Variants in STPG4 observed in about 807,000 individuals in gnomAD.
STPG4 encodes the protein protein STPG4.
STPG4 carries 41 observed loss-of-function variants against 31.5 expected under a neutral mutation model. That is an observed-to-expected ratio of 1.30 (90% CI 1.01 to 1.69). The LOEUF (loss-of-function observed/expected upper bound fraction) is 1.69, where lower values mean the gene tolerates loss of function less well. Among genes scored for constraint, STPG4 ranks in the 40% most tolerant of loss-of-function variants. The pLI, the probability that STPG4 is intolerant of heterozygous loss-of-function variation, is 0.00. For synonymous variants in STPG4, 141 were observed against 103.0 expected, an observed-to-expected ratio of 1.37 and a Z score of -2.24; for missense variants, 375 against 293.4, an observed-to-expected ratio of 1.28 and a Z score of -2.03.
chr2:47,130,029 C>CA (rs1218445688), intron 4 of STPG4, 34 bp from the exon 5 acceptor site: 1 of 1,507,730 alleles, frequency 6.6e-7, no homozygotes. Flanking sequence ...AAGTGATTTT[C>CA]TAAATCTATT....
intron 5 of STPG4, among the ~76,000 whole-genome samples, chr2:47,124,674 G>C (rs917047320): frequency 3.3e-5 from 5 of 152,142 alleles, no homozygotes; most frequent in Non-Finnish European, 5.9e-5. Context: ...CCATTCATCT[G>C]CTAATGTACA....
intron 6 of STPG4, among the ~76,000 whole-genome samples, chr2:47,088,063 G>C (rs1685496743): frequency 6.6e-6 from 1 of 151,822 alleles, no homozygotes; most frequent in Non-Finnish European, 1.5e-5. Flanking sequence ...GGGGTTTTTT[G>C]TTTTTGTTTG....
intron 5 of STPG4, among the ~76,000 whole-genome samples, chr2:47,121,489 A>G (rs1424019168): frequency 6.6e-6 from 1 of 152,168 alleles, no homozygotes; most frequent in Non-Finnish European, 1.5e-5. Context: ...AAAAAGACCT[A>G]CAGATACGGA....
chr2:47,149,546 T>C (rs940298288), intron 3 of STPG4, among the ~76,000 whole-genome samples: 2 of 152,228 alleles, frequency 1.3e-5, no homozygotes, highest in African/African-American at 4.8e-5. Flanking sequence ...TGAACACTTA[T>C]CATTCTGTTC....
At chr2:47,122,071 T>A (rs1262438605) in intron 5 of STPG4, among the ~76,000 whole-genome samples, 1 of 152,186 alleles carries the variant, frequency 6.6e-6, no homozygotes, top group African/African-American at 2.4e-5. Context: ...GAGCTTTCAA[T>A]CAGCCTTTTA....
chr2:47,127,555 C>G (rs974527284), intron 5 of STPG4, among the ~76,000 whole-genome samples: 1 of 152,182 alleles, frequency 6.6e-6, no homozygotes, highest in Non-Finnish European at 1.5e-5. Context: ...AGGCATGAGC[C>G]ACTGCACCCC....
At chr2:47,142,129 G>A (rs1043496229) in intron 3 of STPG4, among the ~76,000 whole-genome samples, 4 of 151,732 alleles carry the variant, frequency 2.6e-5, no homozygotes, top group African/African-American at 9.7e-5. Flanking sequence ...AACACAGCTA[G>A]CAAAGATCAG....
intron 5 of STPG4, among the ~76,000 whole-genome samples, chr2:47,097,881 G>A (rs544039714): frequency 6.6e-6 from 1 of 151,592 alleles, no homozygotes; most frequent in East Asian, 1.9e-4. Flanking sequence ...ACTTTTGGAG[G>A]CCCACGTGGG....
intron 5 of STPG4, 23 bp downstream of exon 5, chr2:47,129,918 T>G (rs1468800050): frequency 1.2e-6 from 2 of 1,607,114 alleles, no homozygotes; most frequent in Non-Finnish European, 1.7e-6. Context: ...TCATCATGAG[T>G]TAACTGTCTA....
chr2:47,136,219 C>G (rs1241862098), intron 3 of STPG4, among the ~76,000 whole-genome samples: 2 of 152,062 alleles, frequency 1.3e-5, no homozygotes, highest in Admixed American at 6.6e-5. Flanking sequence ...AATCTCAGCT[C>G]ACTGCAACCT....
intron 5 of STPG4, among the ~76,000 whole-genome samples, chr2:47,124,299 C>T (rs1268595387): frequency 1.3e-5 from 2 of 152,056 alleles, no homozygotes; most frequent in Non-Finnish European, 2.9e-5. Flanking sequence ...TTTAAATGTA[C>T]AATAAATTAT....
chr2:47,091,032 A>G (rs937191983), intron 5 of STPG4, among the ~76,000 whole-genome samples: 1 of 152,132 alleles, frequency 6.6e-6, no homozygotes, highest in Non-Finnish European at 1.5e-5. Flanking sequence ...TAAAAAACAA[A>G]CTTCCTTTTT....
intron 6 of STPG4, among the ~76,000 whole-genome samples, chr2:47,089,295 G>A (rs1685520608): frequency 6.6e-6 from 1 of 152,154 alleles, no homozygotes; most frequent in Non-Finnish European, 1.5e-5. Context: ...CAATTTCACT[G>A]GCAGGGCCTC....
intron 3 of STPG4, among the ~76,000 whole-genome samples, chr2:47,149,504 C>T (rs1686895986): frequency 6.6e-6 from 1 of 152,184 alleles, no homozygotes; most frequent in Non-Finnish European, 1.5e-5. Context: ...TTGTATGCAT[C>T]CACTGAAGCA....
At chr2:47,096,471 A>G (rs1172454330) in intron 5 of STPG4, among the ~76,000 whole-genome samples, 1 of 152,236 alleles carries the variant, frequency 6.6e-6, no homozygotes, top group African/African-American at 2.4e-5. Context: ...CAAAAACAAA[A>G]TAAAAAGTGT....
intron 6 of STPG4, among the ~76,000 whole-genome samples, chr2:47,087,760 T>TA (rs1685484725): frequency 6.6e-6 from 1 of 152,106 alleles, no homozygotes; most frequent in Admixed American, 6.5e-5. Context: ...TATTTATATA[T>TA]TTTTTTGAGA....
chr2:47,154,269 T>G (rs17036307), intron 1 of STPG4, among the ~76,000 whole-genome samples: 3,644 of 152,328 alleles, frequency 0.024, 152 homozygotes, highest in African/African-American at 0.083. Context: ...AAGCTGAGCT[T>G]CTTCTTTGAT....
At chr2:47,151,744 CTT>C (rs879557031) in intron 2 of STPG4, among the ~76,000 whole-genome samples, 3 of 144,454 alleles carry the variant, frequency 2.1e-5, no homozygotes, top group Non-Finnish European at 3.1e-5. Context: ...TGAAATTTAA[CTT>C]TTTTTTTTTT....
chr2:47,137,196 G>A (rs1308799216), intron 3 of STPG4, among the ~76,000 whole-genome samples: 4 of 152,054 alleles, frequency 2.6e-5, no homozygotes, highest in African/African-American at 9.7e-5. Context: ...TTCATAAATG[G>A]ATGTTGAATT....
Sources: gnomAD v4.1 joint callset for allele counts (sites outside exome capture counted in the v4.1 genomes callset) on GRCh38, gnomAD v4.1.1 for gene constraint, MANE v1.5 for transcripts, NCBI Gene and HGNC (gene_info 2026-07-23, HGNC 2026-07-21) for gene names.